The following UBE2E1 variants were observed in gnomAD, a reference collection of about 807,000 sequenced individuals.
UBE2E1 encodes ubiquitin conjugating enzyme E2 E1, also known as ubiquitin-conjugating enzyme E2 E1.
UBE2E1 carries 6 observed loss-of-function variants against 21.4 expected under a neutral mutation model. The observed-to-expected ratio is 0.28, with a 90% CI of 0.15 to 0.55. UBE2E1 has a LOEUF of 0.55. Among genes scored for constraint, UBE2E1 ranks in the 20% least tolerant of loss-of-function variants. The pLI is 0.93. For missense variants in UBE2E1, 142 were observed against 236.5 expected (o/e 0.60, Z 2.62); for synonymous variants, 87 against 82.7 (o/e 1.05, Z -0.28).
Position 23,807,290 on chromosome 3 carries a change from G to A in UBE2E1, c.21G>A (p.Arg7=). The change falls in exon 2 of 6, where the codon AGG becomes AGA. Residue 7 remains arginine (R), a synonymous_variant. Coordinates refer to ENST00000306627, the MANE Select transcript of UBE2E1 (RefSeq NM_003341.5). ...TCGCTATGTCGGATGACGATTCGAGGGCCAGCACCAGCTCCTCCTCATCTT... is the reference window on the plus strand; with the variant it reads ...TCGCTATGTCGGATGACGATTCGAGAGCCAGCACCAGCTCCTCCTCATCTT... MSDDDS[R]ASTSSSSSSS... 1 of 1,613,420 alleles carries A rather than the reference G, an allele frequency of 6.2e-7. No individual in the cohort carries two copies. The highest frequency in any genetic ancestry group is 8.5e-7 in the Non-Finnish European group (1 of 1,179,772).
At chr3:23,826,245 A>G (rs1158771017) in intron 3 of UBE2E1, among the ~76,000 whole-genome samples, 1 of 152,226 alleles carries the variant, frequency 6.6e-6, no homozygotes, top group Admixed American at 6.5e-5. Flanking sequence ...GTTACCAAAA[A>G]TTGGTGCCTC....
At chr3:23,873,571 C>A (rs949537759) in intron 3 of UBE2E1, among the ~76,000 whole-genome samples, 2 of 152,200 alleles carry the variant, frequency 1.3e-5, no homozygotes, top group African/African-American at 2.4e-5. Flanking sequence ...CATGGTGACA[C>A]CCCGTCTCTA....
intron 3 of UBE2E1, among the ~76,000 whole-genome samples, chr3:23,877,187 G>A (rs1301881696): frequency 6.6e-6 from 1 of 152,194 alleles, no homozygotes; most frequent in East Asian, 1.9e-4. Flanking sequence ...GGATGCCGAT[G>A]TTGCTTGTCC....
At chr3:23,829,478 T>G (rs1699823965) in intron 3 of UBE2E1, among the ~76,000 whole-genome samples, 1 of 152,034 alleles carries the variant, frequency 6.6e-6, no homozygotes, top group African/African-American at 2.4e-5. Context: ...TTTCTAAATT[T>G]TTTTGGAGAG....
rs761667273 is a variant in UBE2E1, at chr3:23,890,953, C to T, written c.*347C>T. 7.2e-5 allele frequency: 12 copies of T among 166,238 alleles called. No homozygotes were observed. The highest frequency in any genetic ancestry group is 1.3e-5 in the Non-Finnish European group (1 of 77,438). 10.3% of individuals were successfully genotyped at this position (166,238 alleles called of 1,614,324 possible). A position where few individuals can be genotyped will look rare whatever the true frequency, so the allele number is the denominator to read the frequency against. On this transcript the variant is annotated 3_prime_UTR_variant, in exon 6 of 6. Transcript: ENST00000306627. ...CACATATGGCCATTTATGTAAAGTC[C>T]CTCTAAGACTACATACTTTTTGTTT...
intron 3 of UBE2E1, among the ~76,000 whole-genome samples, chr3:23,880,464 G>C (rs1259018126): frequency 6.6e-6 from 1 of 152,222 alleles, no homozygotes; most frequent in Non-Finnish European, 1.5e-5. Context: ...CTACTAGGGA[G>C]GCTGAGGTGG....
At chr3:23,855,395 G>GA (rs1434634861) in intron 3 of UBE2E1, among the ~76,000 whole-genome samples, 1 of 152,162 alleles carries the variant, frequency 6.6e-6, no homozygotes, top group Non-Finnish European at 1.5e-5. Context: ...CCTTTAAAGT[G>GA]AAAAGACTAA....
At chr3:23,889,009 A>C (rs556834865) in intron 4 of UBE2E1, 103 bp from the exon 5 acceptor site, 3 of 1,192,612 alleles carry the variant, frequency 2.5e-6, no homozygotes, top group East Asian at 4.9e-5. Context: ...TGACAGCTTT[A>C]ATTAAAACTG....
At position 23,842,198 on chromosome 3, in the gene UBE2E1, G is replaced by GGTGTGTGTGTGTGTGTGTGTGTGTGT. The variant is rs55941535; in HGVS notation, c.203+30714_203+30739dup. Among the ~76,000 whole-genome samples, 2 of 104,358 alleles carry GGTGTGTGTGTGTGTGTGTGTGTGTGT rather than the reference G, an allele frequency of 1.9e-5. No homozygotes were observed. The highest frequency in any genetic ancestry group is 3.0e-4 in the East Asian group (1 of 3,372). 68.5% of individuals were successfully genotyped at this position (104,358 alleles called of 152,430 possible). On this transcript the variant is annotated intron_variant, in intron 3 of 5. Coordinates refer to ENST00000306627, the MANE Select transcript of UBE2E1 (RefSeq NM_003341.5). This position sits in a 1 kb window ranked among gnomAD's most constrained non-coding sequence, Gnocchi z 4.6. ...TATGTCATGACCCAGTAAGTGAAGG[G>GGTGTGTGTGTGTGTGTGTGTGTGTGT]GTGTGTGTGTGTGTGTGTGTGTGTG...
chr3:23,873,869 A>C (rs1329838668), intron 3 of UBE2E1, among the ~76,000 whole-genome samples: 1 of 152,256 alleles, frequency 6.6e-6, no homozygotes, highest in East Asian at 1.9e-4. Flanking sequence ...TTTTGAAAGC[A>C]AAAGTGGGCA....
chr3:23,874,002 G>A (rs892825486), intron 3 of UBE2E1, among the ~76,000 whole-genome samples: 25 of 152,212 alleles, frequency 1.6e-4, no homozygotes, highest in Admixed American at 9.2e-4. Context: ...CTGCTTTGTA[G>A]CAAGTTATTG....
At chr3:23,885,650 C>T (rs1189611384) in intron 3 of UBE2E1, among the ~76,000 whole-genome samples, 1 of 152,022 alleles carries the variant, frequency 6.6e-6, no homozygotes, top group Non-Finnish European at 1.5e-5. Flanking sequence ...CACCTGAGGT[C>T]GGGAGTTCAA....
At chr3:23,881,680 A>G (rs920116089) in intron 3 of UBE2E1, among the ~76,000 whole-genome samples, 1 of 152,208 alleles carries the variant, frequency 6.6e-6, no homozygotes, top group Non-Finnish European at 1.5e-5. Flanking sequence ...AAATTATGAA[A>G]TGTACTTTTC....
chr3:23,833,114 C>T (rs1226642011), intron 3 of UBE2E1, among the ~76,000 whole-genome samples: 2 of 152,146 alleles, frequency 1.3e-5, no homozygotes, highest in African/African-American at 4.8e-5. Context: ...GTCAATTTTT[C>T]AATTTTTGTC....
intron 3 of UBE2E1, among the ~76,000 whole-genome samples, chr3:23,824,202 T>C (rs1287178081): frequency 1.3e-5 from 2 of 152,192 alleles, no homozygotes; most frequent in Non-Finnish European, 2.9e-5. Flanking sequence ...CACATGATTT[T>C]GGTAAAAAAG....
intron 3 of UBE2E1, among the ~76,000 whole-genome samples, chr3:23,819,060 G>A (rs1464871174): frequency 2.6e-5 from 4 of 152,154 alleles, no homozygotes; most frequent in African/African-American, 7.2e-5. Context: ...AGAGGCAGGC[G>A]GATCATGAGG....
chr3:23,887,511 C>T lies in UBE2E1; in HGVS notation c.204-56C>T. On this transcript the variant is annotated intron_variant, in intron 3 of 5. Transcript: ENST00000306627. This position sits in a 1 kb window ranked among gnomAD's most constrained non-coding sequence, Gnocchi z 4.4. ...TAATCTTTCCATCTCTTTTAATACA[C>T]TGTAAAAATTGGGATAGTGCCACCA... 1 of 1,564,810 alleles carries T rather than the reference C, an allele frequency of 6.4e-7. No individual in the cohort carries two copies. The highest frequency in any genetic ancestry group is 8.6e-7 in the Non-Finnish European group (1 of 1,160,924).
chr3:23,843,076 C>CTTT (rs55762254), intron 3 of UBE2E1, among the ~76,000 whole-genome samples: 2 of 140,994 alleles, frequency 1.4e-5, no homozygotes, highest in Non-Finnish European at 3.1e-5. Context: ...TGGCTTAAAG[C>CTTT]TTTTTTTTTT....
intron 3 of UBE2E1, 62 bp downstream of exon 3, chr3:23,811,572 TC>T (rs944712206): frequency 2.3e-5 from 34 of 1,498,076 alleles, no homozygotes; most frequent in Admixed American, 1.0e-4. Flanking sequence ...CTTGGGTTTT[TC>T]TTTTTATTAT....
Sources: gnomAD v4.1 joint callset for allele counts (sites outside exome capture counted in the v4.1 genomes callset) on GRCh38, gnomAD v4.1.1 for gene constraint, Gnocchi (gnomAD v3.1) non-coding constraint, MANE v1.5 for transcripts, NCBI Gene and HGNC (gene_info 2026-07-23, HGNC 2026-07-21) for gene names.